IFT80: variants seen among roughly 807,000 people sequenced by gnomAD.
IFT80 encodes the protein intraflagellar transport protein 80 homolog.
A neutral mutation model predicts 107.9 loss-of-function variants in IFT80; 79 were observed. That is an observed-to-expected ratio of 0.73 (90% CI 0.61 to 0.88). IFT80 has a LOEUF of 0.88. Ranked by LOEUF, IFT80 falls within the 40% of genes least tolerant of loss-of-function variation. The pLI is 0.00. For missense variants in IFT80, 797 were observed against 914.2 expected, an observed-to-expected ratio of 0.87 and a Z score of 1.65; for synonymous variants, 299 against 300.9, an observed-to-expected ratio of 0.99 and a Z score of 0.07.
At chr3:160,262,282 G>A (rs916259780) in intron 19 of IFT80, among the ~76,000 whole-genome samples, 4 of 152,176 alleles carry the variant, frequency 2.6e-5, no homozygotes, top group Admixed American at 1.3e-4. Flanking sequence ...TGTTTTTAGA[G>A]AAGTGAAAAC....
intron 13 of IFT80, among the ~76,000 whole-genome samples, chr3:160,284,891 C>T (rs1263775877): frequency 6.6e-6 from 1 of 152,102 alleles, no homozygotes; most frequent in Non-Finnish European, 1.5e-5. Context: ...CACTAAAAAT[C>T]TCTGGAAGAA....
At chr3:160,390,189 G>A (rs983885245) in intron 1 of IFT80, among the ~76,000 whole-genome samples, 37 of 152,078 alleles carry the variant, frequency 2.4e-4, no homozygotes, top group South Asian at 4.2e-4. Flanking sequence ...AGGCCGAGGC[G>A]GGCGGATCAG....
At chr3:160,307,563 T>G in intron 10 of IFT80, 100 bp downstream of exon 10, 1 of 779,488 alleles carries the variant, frequency 1.3e-6, no homozygotes, top group South Asian at 1.4e-5. Flanking sequence ...TTTGAGAAAG[T>G]TAAGCTTAAA....
intron 8 of IFT80, among the ~76,000 whole-genome samples, chr3:160,329,593 A>G (rs1036419095): frequency 6.6e-6 from 1 of 152,208 alleles, no homozygotes; most frequent in African/African-American, 2.4e-5. Context: ...CCTTATCTCT[A>G]AAGACACAGG....
At chr3:160,380,476 G>A (rs1712390195) in intron 3 of IFT80, among the ~76,000 whole-genome samples, 1 of 152,158 alleles carries the variant, frequency 6.6e-6, no homozygotes, top group African/African-American at 2.4e-5. Flanking sequence ...ACCATGTGCA[G>A]AGAGTCTACC....
chr3:160,380,500 G>A (rs990031297), intron 3 of IFT80, among the ~76,000 whole-genome samples: 13 of 152,134 alleles, frequency 8.5e-5, no homozygotes, highest in Admixed American at 7.9e-4. Context: ...GAGATGGTGA[G>A]AACAGGGACC....
At chr3:160,341,342 TTAA>T (rs769258785) in intron 8 of IFT80, among the ~76,000 whole-genome samples, 9 of 105,008 alleles carry the variant, frequency 8.6e-5, no homozygotes, top group African/African-American at 3.1e-4. Context: ...TTAACAATGA[TTAA>T]AAAAAAAAAA....
At chr3:160,357,965 C>T (rs1721213525) in intron 6 of IFT80, among the ~76,000 whole-genome samples, 1 of 152,108 alleles carries the variant, frequency 6.6e-6, no homozygotes, top group Non-Finnish European at 1.5e-5. Flanking sequence ...TAGCAGATTC[C>T]ATTACTGATA....
intron 12 of IFT80, chr3:160,299,155 A>G: frequency 6.1e-6 from 6 of 980,220 alleles, no homozygotes; most frequent in Non-Finnish European, 7.3e-6. Flanking sequence ...CACAATTTAT[A>G]GTTATCTTAA....
intron 8 of IFT80, among the ~76,000 whole-genome samples, chr3:160,344,564 A>G (rs1163146764): frequency 6.6e-6 from 1 of 152,196 alleles, no homozygotes; most frequent in African/African-American, 2.4e-5. Flanking sequence ...CCACAAGTAC[A>G]GGCAACCAAA....
chr3:160,259,974 T>G (rs1712684655), intron 19 of IFT80, among the ~76,000 whole-genome samples: 1 of 152,228 alleles, frequency 6.6e-6, no homozygotes, highest in Non-Finnish European at 1.5e-5. Context: ...AATCTCAGTC[T>G]GCTTGAACAG....
chr3:160,258,676 G>A (rs756717315), intron 19 of IFT80, 41 bp from the exon 20 acceptor site: 18 of 1,601,214 alleles, frequency 1.1e-5, no homozygotes, highest in Middle Eastern at 1.7e-4. Context: ...CTTAGATAGT[G>A]TAAGACATTT....
rs552426731 is a variant in IFT80 at position 160,282,335 on chromosome 3, CT to C, written c.1516+142del. 3.5e-4 allele frequency: 224 copies of C among 634,402 alleles called. No individual in the cohort carries two copies. The African/African-American group carries it at 3.9e-3, about 11-fold the overall frequency. 39.3% of individuals were successfully genotyped at this position (634,402 alleles called of 1,614,324 possible). A position where few individuals can be genotyped will look rare whatever the true frequency, so the allele number is the denominator to read the frequency against. On this transcript the variant is annotated intron_variant, in intron 14 of 19. Transcript: ENST00000326448. Reference sequence around the variant, plus strand: ...GCTTTTTAATAAACTTTCACTCCTACTTTTTTAAAAAAAGGGTTAAATAGCT... The same window carrying C: ...GCTTTTTAATAAACTTTCACTCCTACTTTTTAAAAAAAGGGTTAAATAGCT...
chr3:160,273,107 T>C (rs1191866276), intron 18 of IFT80, among the ~76,000 whole-genome samples: 1 of 152,218 alleles, frequency 6.6e-6, no homozygotes, highest in Non-Finnish European at 1.5e-5. Flanking sequence ...AATGTGCAGT[T>C]GGAACAAATA....
chr3:160,324,201 C>A (rs570746435), intron 8 of IFT80, among the ~76,000 whole-genome samples: 2 of 152,098 alleles, frequency 1.3e-5, no homozygotes, highest in South Asian at 4.1e-4. Flanking sequence ...ACCAGAGGTA[C>A]AAGGAGGAAC....
chr3:160,391,932 G>A (rs984839391), intron 1 of IFT80, among the ~76,000 whole-genome samples: 1 of 152,208 alleles, frequency 6.6e-6, no homozygotes, highest in African/African-American at 2.4e-5. Context: ...TGAATGTGGA[G>A]ACTGAGGTAA....
In IFT80 at chr3:160,307,778, G is replaced by A. The variant is rs140972476; in HGVS notation, c.961C>T (p.Arg321Cys). ...TLTKRRAMQV[R>C]NVLNDAVDLL... ...TCCACTGCATCATTAAGAACATTAC[G>A]AACCTAAACAAGGAAAAATAAAATA... Residue 321 changes from arginine to cysteine, a missense_variant, in exon 10 of 20, where the codon CGT becomes TGT. Coordinates refer to ENST00000326448, the MANE Select transcript of IFT80 (RefSeq NM_020800.3). 1.6e-5 allele frequency: 23 copies of A among 1,476,404 alleles called. No individual in the cohort carries two copies. The highest frequency in any genetic ancestry group is 2.1e-5 in the Non-Finnish European group (22 of 1,055,334). The allele number at this position is 1,476,404 out of a possible 1,614,324, so 91.5% of individuals were successfully genotyped here.
chr3:160,369,023 T>C, intron 5 of IFT80, among the ~76,000 whole-genome samples: 1 of 151,974 alleles, frequency 6.6e-6, no homozygotes, highest in Admixed American at 6.6e-5. Flanking sequence ...CTCTTAACTT[T>C]AACATTTAAT....
At chr3:160,325,662 A>G (rs1229787131) in intron 8 of IFT80, among the ~76,000 whole-genome samples, 1 of 152,154 alleles carries the variant, frequency 6.6e-6, no homozygotes. Context: ...ATTTGCATAT[A>G]CATAAAAAGA....
Sources: allele counts gnomAD v4.1 joint callset (sites outside exome capture counted in the v4.1 genomes callset), GRCh38; gene constraint gnomAD v4.1.1; transcripts MANE v1.5; gene names NCBI Gene and HGNC (gene_info 2026-07-23, HGNC 2026-07-21).